The following TRIM55 variants were observed in gnomAD, a reference collection of about 807,000 sequenced individuals.
TRIM55 encodes the protein tripartite motif-containing protein 55.
In TRIM55, 50 loss-of-function variants were observed where a neutral mutation model predicts 60.9. That is an observed-to-expected ratio of 0.82 (90% CI 0.65 to 1.04). The LOEUF is 1.04. TRIM55 is among the 50% of genes least tolerant of loss of function. The pLI, the probability that TRIM55 is intolerant of heterozygous loss-of-function variation, is 0.00. For synonymous variants in TRIM55, 237 were observed against 238.1 expected (o/e 1.00, Z 0.04); for missense variants, 681 against 666.9 (o/e 1.02, Z -0.23).
the TRIM55 span, among the ~76,000 whole-genome samples, chr8:66,113,972 G>T: frequency 6.6e-6 from 1 of 151,922 alleles, no homozygotes; most frequent in South Asian, 2.1e-4. Flanking sequence ...CGGCACCCGG[G>T]AAGCTGTGCC....
intron 4 of TRIM55, among the ~76,000 whole-genome samples, chr8:66,143,586 T>A (rs902701440): frequency 1.3e-5 from 2 of 152,012 alleles, no homozygotes; most frequent in African/African-American, 4.8e-5. Flanking sequence ...TTTTGGGTTT[T>A]TTTTTTTTTA....
chr8:66,173,018 A>G (rs1811731373), intron 9 of TRIM55, among the ~76,000 whole-genome samples: 1 of 152,172 alleles, frequency 6.6e-6, no homozygotes, highest in South Asian at 2.1e-4. Context: ...ATGGTGGGCA[A>G]GGAAGGAGTT....
At position 66,127,253 on chromosome 8, in the gene TRIM55, TGG is replaced by T. The variant is rs1308985964; in HGVS notation, c.-13_-12del. 9 of 1,610,944 alleles carry T rather than the reference TGG, an allele frequency of 5.6e-6. No individual in the cohort carries two copies. The highest frequency in any genetic ancestry group is 7.6e-6 in the Non-Finnish European group (9 of 1,177,868). The stretch of plus-strand genomic sequence containing the variant: ...CAGCACCCTTCCCTGGCAGCACACT[TGG>T]GGACAGCGAGGAGATGAGCGCATCT... On this transcript the variant is annotated 5_prime_UTR_variant, in exon 1 of 10. Coordinates refer to ENST00000315962, the MANE Select transcript of TRIM55 (RefSeq NM_184085.2).
chr8:66,170,014 G>T (rs1225748330), intron 9 of TRIM55, among the ~76,000 whole-genome samples: 1 of 151,774 alleles, frequency 6.6e-6, no homozygotes, highest in Non-Finnish European at 1.5e-5. Flanking sequence ...GTTTCTTTAG[G>T]AACCAAGAAG....
At chr8:66,144,251 C>A in intron 4 of TRIM55, among the ~76,000 whole-genome samples, 1 of 152,126 alleles carries the variant, frequency 6.6e-6, no homozygotes, top group East Asian at 1.9e-4. Context: ...TGGTTAGAAA[C>A]AAATATCCCA....
chr8:66,155,765 T>C, intron 9 of TRIM55: 1 of 1,259,814 alleles, frequency 7.9e-7, no homozygotes. Flanking sequence ...TCTTCCATAA[T>C]GTTCCTCTTC....
the TRIM55 span, chr8:66,114,700 T>C: frequency 6.6e-6 from 3 of 452,354 alleles, no homozygotes; most frequent in Non-Finnish European, 1.3e-5. Flanking sequence ...TTCGGCCCCA[T>C]CTCAAGTCCG....
Position 66,174,482 on chromosome 8 carries a change from G to C in TRIM55, c.1536G>C (p.Glu512Asp), listed in dbSNP as rs747697761. The C allele has an allele frequency of 1.1e-5, 18 of 1,611,266 alleles. No homozygotes were observed. The highest frequency in any genetic ancestry group is 1.7e-5 in the Admixed American group (1 of 59,234). The change falls in exon 10 of 10, where the codon GAG (glutamate) becomes GAC (aspartate). Residue 512 changes from glutamate (E) to aspartate (D), a missense_variant. Glu to Asp is a conservative substitution (Grantham distance 45, BLOSUM62 2). Transcript: ENST00000315962. ...TTCTTCCATTGCAGATTGGATTTGA[G>C]GCTCCTCCCCTCCAGGGACAGGCTG... ...APAATSQIGF[E>D]APPLQGQAAA...
At chr8:66,156,282 G>T (rs1359731065) in intron 9 of TRIM55, among the ~76,000 whole-genome samples, 2 of 152,190 alleles carry the variant, frequency 1.3e-5, no homozygotes, top group Non-Finnish European at 2.9e-5. Flanking sequence ...GTCCCTGAGA[G>T]AAAGATGCCC....
At chr8:66,126,937 C>A (rs577784622), upstream of TRIM55, 3 of 214,074 alleles carry the variant, frequency 1.4e-5, no homozygotes, top group African/African-American at 4.6e-5. Flanking sequence ...CTTCTCCTCA[C>A]AACCCCGTCT....
the TRIM55 span, chr8:66,113,432 G>C: frequency 1.1e-5 from 5 of 447,062 alleles, no homozygotes; most frequent in African/African-American, 2.0e-5. Context: ...ACATCCTTAG[G>C]TCGCTGGTTC....
intron 9 of TRIM55, among the ~76,000 whole-genome samples, chr8:66,166,891 G>A (rs774431628): frequency 6.6e-5 from 10 of 152,144 alleles, no homozygotes; most frequent in Admixed American, 3.3e-4. Flanking sequence ...AAAAATCAGC[G>A]TGACCAGGGG....
chr8:66,128,845 A>G (rs1431500184), intron 2 of TRIM55, among the ~76,000 whole-genome samples: 1 of 130,498 alleles, frequency 7.7e-6, no homozygotes, highest in African/African-American at 3.5e-5. Context: ...CAAAGCAAAG[A>G]AAAAAAAATC....
At chr8:66,131,644 A>G (rs1193347762) in intron 2 of TRIM55, among the ~76,000 whole-genome samples, 1 of 152,208 alleles carries the variant, frequency 6.6e-6, no homozygotes, top group African/African-American at 2.4e-5. Context: ...CTCTTAAAAC[A>G]TGCACAAAGT....
At chr8:66,137,275 C>G in intron 4 of TRIM55, 85 bp downstream of exon 4, 1 of 907,474 alleles carries the variant, frequency 1.1e-6, no homozygotes, top group Non-Finnish European at 1.7e-6. Context: ...ACTAGACATC[C>G]CTATTCTGAC....
At chr8:66,150,964 C>T (rs559019239) in intron 7 of TRIM55, among the ~76,000 whole-genome samples, 1 of 152,304 alleles carries the variant, frequency 6.6e-6, no homozygotes, top group Non-Finnish European at 1.5e-5. Context: ...CCATGCCCGG[C>T]CTGGTGCCTA....
At chr8:66,148,741 GTCA>G (rs973519496) in intron 4 of TRIM55, among the ~76,000 whole-genome samples, 3 of 152,106 alleles carry the variant, frequency 2.0e-5, no homozygotes, top group African/African-American at 7.2e-5. Context: ...GTAATAGGGA[GTCA>G]TCATAGAAAA....
chr8:66,157,499 G>A (rs765638993), intron 9 of TRIM55, among the ~76,000 whole-genome samples: 6 of 152,184 alleles, frequency 3.9e-5, no homozygotes, highest in Non-Finnish European at 7.4e-5. Flanking sequence ...CAAGGTTAGA[G>A]TGCTAGAATT....
intron 9 of TRIM55, among the ~76,000 whole-genome samples, chr8:66,167,893 A>T (rs930636834): frequency 2.0e-5 from 3 of 152,106 alleles, no homozygotes; most frequent in African/African-American, 7.2e-5. Flanking sequence ...GACTGCAGGC[A>T]TGTGCCACCA....
Sources: gnomAD v4.1 joint callset for allele counts (sites outside exome capture counted in the v4.1 genomes callset) on GRCh38, gnomAD v4.1.1 for gene constraint, MANE v1.5 for transcripts, NCBI Gene and HGNC (gene_info 2026-07-23, HGNC 2026-07-21) for gene names.